PKD1L1: variants seen among roughly 807,000 people sequenced by gnomAD.
PKD1L1 encodes the protein polycystin 1 like 1, transient receptor potential channel interacting, also known as polycystin-1-like protein 1.
Under a neutral mutation model 323.4 loss-of-function variants are expected in PKD1L1, and 236 were observed. That is an observed-to-expected ratio of 0.73 (90% CI 0.66 to 0.81). The LOEUF is 0.81. Among genes scored for constraint, PKD1L1 ranks in the 40% least tolerant of loss-of-function variants. The probability of loss-of-function intolerance (pLI) is 0.00; values close to 1 mark genes in which losing one functional copy is unlikely to be tolerated. For missense variants in PKD1L1, 3,320 were observed against 3,508.0 expected (o/e 0.95, Z 1.35); for synonymous variants, 1,344 against 1,335.0 (o/e 1.01, Z -0.15).
At chr7:47,902,716 T>C (rs1203878235) in intron 12 of PKD1L1, among the ~76,000 whole-genome samples, 2 of 152,210 alleles carry the variant, frequency 1.3e-5, no homozygotes, top group Non-Finnish European at 2.9e-5. Flanking sequence ...GCTCCCCAGC[T>C]AGCCTGGGCC....
intron 3 of PKD1L1, among the ~76,000 whole-genome samples, chr7:47,937,276 G>GGT: frequency 7.0e-6 from 1 of 142,944 alleles, no homozygotes; most frequent in African/African-American, 2.6e-5. Flanking sequence ...GGGGGGCGCG[G>GGT]TGCTTTTTTA....
intron 53 of PKD1L1, 100 bp from the exon 54 acceptor site, chr7:47,800,979 G>T: frequency 9.4e-7 from 1 of 1,060,142 alleles, no homozygotes. Context: ...ACTTGGAGGG[G>T]CAGTTTTGGG....
rs1221770144 is a variant in PKD1L1 at position 47,774,909 on chromosome 7, T to C, written c.*234A>G. On this transcript the variant is annotated 3_prime_UTR_variant, in exon 57 of 57. Coordinates refer to ENST00000289672, the MANE Select transcript of PKD1L1 (RefSeq NM_138295.5). Reference sequence around the variant, plus strand: ...TTGGGAGAAGGCTGGAGTTAGAATCTTGTCCCACATCTGAACTCTCCGAAT... The same window carrying C: ...TTGGGAGAAGGCTGGAGTTAGAATCCTGTCCCACATCTGAACTCTCCGAAT... 3 of 460,888 alleles carry C rather than the reference T, an allele frequency of 6.5e-6. No individual in the cohort carries two copies. Among genetic ancestry groups the C allele is most frequent in the African/African-American group, 6.0e-5 (3 of 50,130 alleles). The allele number at this position is 460,888 out of a possible 1,614,324, so 28.5% of individuals were successfully genotyped here.
At chr7:47,823,667 T>G (rs1188811892) in intron 45 of PKD1L1, among the ~76,000 whole-genome samples, 2 of 152,230 alleles carry the variant, frequency 1.3e-5, no homozygotes, top group Non-Finnish European at 2.9e-5. Context: ...CTCTTTTATA[T>G]TGACCACTGT....
At chr7:47,832,940 T>G in intron 41 of PKD1L1, 150 bp downstream of exon 41, 4 of 1,043,224 alleles carry the variant, frequency 3.8e-6, no homozygotes, top group African/African-American at 1.6e-5. Flanking sequence ...GACGCCTCAG[T>G]TTTGGGTGGG....
intron 56 of PKD1L1, among the ~76,000 whole-genome samples, chr7:47,791,001 C>G (rs192561262): frequency 5.3e-5 from 8 of 152,258 alleles, no homozygotes; most frequent in South Asian, 4.1e-4. Context: ...CTCCCAGATG[C>G]TGGGATTATA....
chr7:47,918,481 A>C (rs902323969), intron 7 of PKD1L1, among the ~76,000 whole-genome samples: 12 of 152,066 alleles, frequency 7.9e-5, no homozygotes, highest in African/African-American at 2.9e-4. Context: ...ACAAAAAAAA[A>C]AACAATGGAT....
chr7:47,891,173 T>A (rs956002168), intron 15 of PKD1L1, among the ~76,000 whole-genome samples: 1 of 152,214 alleles, frequency 6.6e-6, no homozygotes, highest in Non-Finnish European at 1.5e-5. Context: ...AAGAATGCTA[T>A]GTGAGCCCAG....
intron 26 of PKD1L1, among the ~76,000 whole-genome samples, chr7:47,861,743 T>C (rs1279613283): frequency 6.6e-6 from 1 of 151,766 alleles, no homozygotes; most frequent in Non-Finnish European, 1.5e-5. Context: ...TAGCCGGGCA[T>C]GGTGGTGTGC....
rs35198089 is a variant in PKD1L1 at position 47,880,284 on chromosome 7, A to ATTTT, written c.3520+440_3520+443dup. On this transcript the variant is annotated intron_variant, in intron 21 of 56. Coordinates refer to ENST00000289672, the MANE Select transcript of PKD1L1 (RefSeq NM_138295.5). ...TATATACATATATATATATATATAT[A>ATTTT]TTTTTTTTTTTTTTTTTGAGACAGT... 6.3e-4 allele frequency among the ~76,000 whole-genome samples: 36 copies of ATTTT among 56,756 alleles called. 1 individual carries two copies. Among genetic ancestry groups the ATTTT allele is most frequent in the African/African-American group, 2.1e-3 (20 of 9,372 alleles). The allele number at this position is 56,756 out of a possible 152,430, so 37.2% of individuals were successfully genotyped here. A position where few individuals can be genotyped will look rare whatever the true frequency, so the allele number is the denominator to read the frequency against.
intron 6 of PKD1L1, 61 bp downstream of exon 6, chr7:47,931,043 G>T: frequency 6.6e-7 from 1 of 1,512,102 alleles, no homozygotes; most frequent in Non-Finnish European, 9.1e-7. Flanking sequence ...GATTGGGCAT[G>T]GATGGTTCCA....
At position 47,775,120 on chromosome 7, in the gene PKD1L1, G is replaced by A. The variant is rs368315806; in HGVS notation, c.*23C>T. 4.3e-6 allele frequency: 7 copies of A among 1,613,278 alleles called. No homozygotes were observed. Among genetic ancestry groups the A allele is most frequent in the African/African-American group, 4.0e-5 (3 of 74,886 alleles). On this transcript the variant is annotated 3_prime_UTR_variant, in exon 57 of 57. Coordinates refer to ENST00000289672, the MANE Select transcript of PKD1L1 (RefSeq NM_138295.5). ...GGTTAAGCAAAACAGGGTCCATAGTGCCTATGCAAGGTACCAGGCTCCTCA... is the reference window on the plus strand; with the variant it reads ...GGTTAAGCAAAACAGGGTCCATAGTACCTATGCAAGGTACCAGGCTCCTCA...
chr7:47,830,117 G>A lies in PKD1L1; in HGVS notation c.6481C>T (p.Gln2161Ter), dbSNP rs1207533903. ...GTGFLAYRFG[Q>*]EQCVQWLHLL... is the part of the protein sequence containing the mutation. ...TGCAGCCACTGCACACATTGCTCCT[G>A]GCCAAACCTGCCCCCAGGGAAAGTG... The change falls in exon 43 of 57, where the codon CAG becomes TAG. Residue 2161 changes from glutamine to a stop codon, truncating the protein, a stop_gained. Coordinates refer to ENST00000289672, the MANE Select transcript of PKD1L1 (RefSeq NM_138295.5). LOFTEE classifies it high-confidence loss of function. 1.9e-6 allele frequency: 3 copies of A among 1,613,890 alleles called. No homozygotes were observed. The highest frequency in any genetic ancestry group is 1.7e-6 in the Non-Finnish European group (2 of 1,179,958).
At chr7:47,804,584 C>T (rs1425094128) in intron 52 of PKD1L1, among the ~76,000 whole-genome samples, 3 of 149,476 alleles carry the variant, frequency 2.0e-5, no homozygotes, top group African/African-American at 7.4e-5. Context: ...ATTCTCCTGT[C>T]TCAGCCTACC....
chr7:47,863,699 TG>T (rs1173654224), intron 26 of PKD1L1, among the ~76,000 whole-genome samples: 5 of 151,900 alleles, frequency 3.3e-5, no homozygotes, highest in African/African-American at 1.2e-4. Context: ...GCAGTGTGGA[TG>T]GAGATGGAAG....
rs149104154 is a variant in PKD1L1 at position 47,779,613 on chromosome 7, C to T, written c.8527-4447G>A. Among the ~76,000 whole-genome samples, 14 of 152,214 alleles carry T rather than the reference C, an allele frequency of 9.2e-5. No individual in the cohort carries two copies. In the East Asian group the frequency reaches 1.7e-3, roughly 19 times the overall value. ...TCCCAAATAACTCAGATTTTTTTAG[C>T]GTCTGAGAATGGCTCCACCTTTACA... On this transcript the variant is annotated intron_variant, in intron 56 of 56. Coordinates refer to ENST00000289672, the MANE Select transcript of PKD1L1 (RefSeq NM_138295.5).
In PKD1L1 at chr7:47,845,052, A is replaced by T. The variant is rs139809983; in HGVS notation, c.5180T>A (p.Leu1727His). ...CSYHRLAAFA[L>H]LRRKLKASFE... The stretch of plus-strand genomic sequence containing the variant: ...ACTGGCCTTCAGCTTTCTCCTTAGG[A>T]GAGCGAATGCCGCGAGGCGATGGTA... Residue 1727 changes from leucine to histidine, a missense_variant, in exon 33 of 57, where the codon CTC becomes CAC. Coordinates refer to ENST00000289672, the MANE Select transcript of PKD1L1 (RefSeq NM_138295.5). 33 of 1,613,976 alleles carry T rather than the reference A, an allele frequency of 2.0e-5. No homozygotes were observed. The highest frequency in any genetic ancestry group is 6.7e-5 in the East Asian group (3 of 44,886).
the PKD1L1 span, among the ~76,000 whole-genome samples, chr7:47,958,286 T>C: frequency 9.5e-4 from 145 of 152,250 alleles, 1 homozygote; most frequent in Admixed American, 1.4e-3. Context: ...AATCCACACA[T>C]TTACAGCCAA....
chr7:47,777,873 G>C (rs1786603285), intron 56 of PKD1L1, among the ~76,000 whole-genome samples: 1 of 152,218 alleles, frequency 6.6e-6, no homozygotes, highest in Admixed American at 6.5e-5. Context: ...AAAGGCACAT[G>C]CCTGATGCCT....
Sources: gnomAD v4.1 joint callset for allele counts (sites outside exome capture counted in the v4.1 genomes callset) on GRCh38, gnomAD v4.1.1 for gene constraint, MANE v1.5 for transcripts, NCBI Gene and HGNC (gene_info 2026-07-23, HGNC 2026-07-21) for gene names.